The following PCCA variants were observed in gnomAD, a reference collection of about 807,000 sequenced individuals.
PCCA encodes the protein propionyl-CoA carboxylase subunit alpha.
Under a neutral mutation model 101.3 loss-of-function variants are expected in PCCA, and 74 were observed. The ratio of observed to expected loss-of-function variants is 0.73; its 90% CI spans 0.61 to 0.89. The LOEUF is 0.89. Among genes scored for constraint, PCCA ranks in the 40% least tolerant of loss-of-function variants. The pLI, the probability that PCCA is intolerant of heterozygous loss-of-function variation, is 0.00. For missense variants in PCCA, 891 were observed against 907.0 expected, an observed-to-expected ratio of 0.98 and a Z score of 0.23; for synonymous variants, 294 against 313.6, an observed-to-expected ratio of 0.94 and a Z score of 0.66.
intron 19 of PCCA, among the ~76,000 whole-genome samples, chr13:100,370,215 G>C (rs947788255): frequency 2.0e-5 from 3 of 150,530 alleles, no homozygotes; most frequent in African/African-American, 7.3e-5. Flanking sequence ...CTCCCGAGTA[G>C]CTGGGACTAC....
chr13:100,493,046 C>T (rs769559110), intron 21 of PCCA, among the ~76,000 whole-genome samples: 17 of 152,294 alleles, frequency 1.1e-4, no homozygotes, highest in South Asian at 8.3e-4. Flanking sequence ...CCTTATTCTC[C>T]GCTGAGCTGT....
rs146071388 is a variant in PCCA, at chr13:100,304,840, T to C, written c.1284+1842T>C. Among the ~76,000 whole-genome samples the C allele has an allele frequency of 1.8e-3, 274 of 152,320 alleles. 3 individuals are homozygous for C. Among genetic ancestry groups the C allele is most frequent in the East Asian group, 0.013 (67 of 5,188 alleles). ...GAATGCATACTTAAGAGTTAACTTA[T>C]GGTTTGTACTTTTCACATGCTTCAT... On this transcript the variant is annotated intron_variant, in intron 14 of 23. Transcript: ENST00000376285.
intron 21 of PCCA, among the ~76,000 whole-genome samples, chr13:100,463,825 A>T (rs1457262866): frequency 6.6e-6 from 1 of 152,212 alleles, no homozygotes; most frequent in African/African-American, 2.4e-5. Flanking sequence ...AAATGATGAC[A>T]TGTTTATTAT....
At chr13:100,126,615 T>C (rs907315833) in intron 4 of PCCA, among the ~76,000 whole-genome samples, 1 of 152,154 alleles carries the variant, frequency 6.6e-6, no homozygotes, top group Non-Finnish European at 1.5e-5. Context: ...CCCAGCATGG[T>C]TGGGGTTATC....
chr13:100,337,076 C>G (rs532933052), intron 17 of PCCA, among the ~76,000 whole-genome samples: 1 of 152,066 alleles, frequency 6.6e-6, no homozygotes, highest in South Asian at 2.1e-4. Flanking sequence ...CGTTCACACT[C>G]GCTAAAAGGG....
At chr13:100,452,140 C>A (rs1311478968) in intron 21 of PCCA, among the ~76,000 whole-genome samples, 1 of 136,656 alleles carries the variant, frequency 7.3e-6, no homozygotes, top group African/African-American at 2.8e-5. Flanking sequence ...CCTCTCTCTC[C>A]TCTTCTTCCT....
intron 19 of PCCA, among the ~76,000 whole-genome samples, chr13:100,419,158 A>T (rs532600835): frequency 3.0e-4 from 46 of 152,274 alleles, no homozygotes; most frequent in Non-Finnish European, 4.4e-4. Flanking sequence ...CAAGTAAAGA[A>T]TAATGAGAAT....
chr13:100,527,084 A>G (rs780498485), intron 22 of PCCA, among the ~76,000 whole-genome samples: 1 of 150,676 alleles, frequency 6.6e-6, no homozygotes, highest in Non-Finnish European at 1.5e-5. Context: ...AGACAGAAAT[A>G]TGTATATTTG....
intron 4 of PCCA, among the ~76,000 whole-genome samples, chr13:100,117,762 TA>T (rs1156933105): frequency 6.6e-6 from 1 of 151,540 alleles, no homozygotes; most frequent in Middle Eastern, 3.2e-3. Context: ...CCCTAGAACT[TA>T]AAGTATATAT....
At chr13:100,182,834 G>A (rs538333640) in intron 6 of PCCA, among the ~76,000 whole-genome samples, 38 of 152,218 alleles carry the variant, frequency 2.5e-4, no homozygotes, top group African/African-American at 9.1e-4. Context: ...GGTCTAGTTT[G>A]GGCCAGCTGC....
At chr13:100,503,504 A>T (rs998128642) in intron 21 of PCCA, among the ~76,000 whole-genome samples, 2 of 152,068 alleles carry the variant, frequency 1.3e-5, no homozygotes, top group Non-Finnish European at 2.9e-5. Flanking sequence ...CCAAAAAAGA[A>T]ATTATAATAA....
chr13:100,238,558 C>A (rs138057864), intron 8 of PCCA, among the ~76,000 whole-genome samples: 222 of 152,060 alleles, frequency 1.5e-3, no homozygotes, highest in African/African-American at 5.1e-3. Flanking sequence ...TGGTGTTTTG[C>A]TTATACTGAA....
intron 8 of PCCA, among the ~76,000 whole-genome samples, chr13:100,245,377 T>C (rs192801585): frequency 1.3e-5 from 2 of 152,188 alleles, no homozygotes; most frequent in African/African-American, 4.8e-5. Flanking sequence ...CTAAATTTAA[T>C]TGGAGTTTGT....
At chr13:100,448,183 T>G (rs571387279) in intron 20 of PCCA, among the ~76,000 whole-genome samples, 2 of 152,068 alleles carry the variant, frequency 1.3e-5, no homozygotes, top group African/African-American at 2.4e-5. Context: ...AGAGCAAGTT[T>G]TTTTTGTTTT....
chr13:100,514,049 C>T (rs910019503), intron 21 of PCCA, among the ~76,000 whole-genome samples: 1 of 152,162 alleles, frequency 6.6e-6, no homozygotes, highest in African/African-American at 2.4e-5. Flanking sequence ...CTGACAGCAG[C>T]GTGCACTCTC....
chr13:100,356,905 A>G (rs1386759492), intron 18 of PCCA, among the ~76,000 whole-genome samples: 1 of 152,212 alleles, frequency 6.6e-6, no homozygotes, highest in East Asian at 1.9e-4. Flanking sequence ...TAAATGAGCT[A>G]TTGATATTTT....
At chr13:100,485,462 G>A (rs1200187103) in intron 21 of PCCA, among the ~76,000 whole-genome samples, 2 of 152,228 alleles carry the variant, frequency 1.3e-5, no homozygotes, top group African/African-American at 4.8e-5. Context: ...CAGCACATGT[G>A]TGGTGAGCAT....
At chr13:100,470,797 T>C (rs2082950344) in intron 21 of PCCA, among the ~76,000 whole-genome samples, 1 of 152,138 alleles carries the variant, frequency 6.6e-6, no homozygotes, top group Non-Finnish European at 1.5e-5. Flanking sequence ...AGGCGGAGGT[T>C]GCAGTGAGCC....
Position 100,112,068 on chromosome 13 carries a change from A to G in PCCA, c.300+7A>G, listed in dbSNP as rs1241971231. ...TGATGTTGATGCTAGTTCTGTAAGT[A>G]TATTTTTGCTTTGTTTAAATCAGGA... On this transcript the variant is annotated splice_region_variant and intron_variant, in intron 4 of 23. Transcript: ENST00000376285. 6 of 1,605,954 alleles carry G rather than the reference A, an allele frequency of 3.7e-6. No individual in the cohort carries two copies. The highest frequency in any genetic ancestry group is 2.2e-4 in the Middle Eastern group (1 of 4,592).
Sources: gnomAD v4.1 joint callset for allele counts (sites outside exome capture counted in the v4.1 genomes callset) on GRCh38, gnomAD v4.1.1 for gene constraint, MANE v1.5 for transcripts, NCBI Gene and HGNC (gene_info 2026-07-23, HGNC 2026-07-21) for gene names.